KALRN: variants seen among roughly 807,000 people sequenced by gnomAD.
KALRN encodes kalirin.
In KALRN, 70 loss-of-function variants were observed where a neutral mutation model predicts 353.7. The observed-to-expected ratio is 0.20, with a 90% CI of 0.16 to 0.24. The LOEUF is 0.24. Among genes scored for constraint, KALRN ranks in the 10% least tolerant of loss-of-function variants. The pLI, the probability that KALRN is intolerant of heterozygous loss-of-function variation, is 1.00. For missense variants in KALRN, 2,791 were observed against 3,756.7 expected (o/e 0.74, Z 6.72); for synonymous variants, 1,391 against 1,434.8 (o/e 0.97, Z 0.69).
At chr3:124,490,652 G>A (rs772911395) in intron 29 of KALRN, 42 bp from the exon 30 acceptor site, 18 of 1,581,278 alleles carry the variant, frequency 1.1e-5, no homozygotes, top group Non-Finnish European at 1.3e-5. Flanking sequence ...CCTGACTGTG[G>A]CAGTAGAGAA....
At chr3:124,269,364 G>A in intron 5 of KALRN, 109 bp downstream of exon 5, 4 of 1,200,540 alleles carry the variant, frequency 3.3e-6, no homozygotes, top group Non-Finnish European at 4.6e-6. Flanking sequence ...CTTTAAAACA[G>A]TGTGCCTACT....
At chr3:124,565,611 C>T (rs16835592) in intron 34 of KALRN, among the ~76,000 whole-genome samples, 8,595 of 152,254 alleles carry the variant, frequency 0.056, 816 homozygotes, top group African/African-American at 0.19. Context: ...ATTCATTTGC[C>T]GCAAAAGGCT....
At chr3:124,414,968 A>G (rs2092416104) in intron 14 of KALRN, among the ~76,000 whole-genome samples, 1 of 152,238 alleles carries the variant, frequency 6.6e-6, no homozygotes. Context: ...GAAAGAGTAA[A>G]GACCAGCATT....
intron 3 of KALRN, among the ~76,000 whole-genome samples, chr3:124,256,671 A>C (rs2072041056): frequency 6.6e-6 from 1 of 152,126 alleles, no homozygotes; most frequent in Non-Finnish European, 1.5e-5. Context: ...GAAGCCCTCT[A>C]CACCTGGATC....
At chr3:124,646,563 G>A (rs930622874) in intron 37 of KALRN, among the ~76,000 whole-genome samples, 2 of 151,476 alleles carry the variant, frequency 1.3e-5, no homozygotes, top group Non-Finnish European at 2.9e-5. Context: ...ACTAGTTTTT[G>A]TATTTTTAGT....
At position 124,632,557 on chromosome 3, in the gene KALRN, A is replaced by T. The variant is rs779890939; in HGVS notation, c.5320A>T (p.Thr1774Ser). The change falls in exon 35 of 60, where the codon ACG (threonine) becomes TCG (serine). Residue 1774 changes from threonine to serine, a missense_variant. Thr to Ser is a moderately conservative substitution (Grantham distance 58, BLOSUM62 1). This residue lies in a region of KALRN where 1,065 missense variants were observed against 1,156.4 expected (regional missense o/e 0.92). Transcript: ENST00000682506. ...CACCAACACTCTTAAGAAGTGGCTG[A>T]CGAGTCCTGTGCGTCGGCTTAACAG... is the stretch of plus-strand genomic sequence containing the variant. The part of the protein sequence containing the change: ...RSTNTLKKWL[T>S]SPVRRLNSGK... 20 of 1,614,116 alleles carry T rather than the reference A, an allele frequency of 1.2e-5. No individual in the cohort carries two copies. The Admixed American group carries it at 3.3e-4, about 27-fold the overall frequency.
At chr3:124,044,844 TC>T (rs1455563783) in intron 1 of KALRN, among the ~76,000 whole-genome samples, 4 of 22,958 alleles carry the variant, frequency 1.7e-4, no homozygotes, top group Non-Finnish European at 7.3e-4. Flanking sequence ...CCTCCCTCCC[TC>T]CCTCCCTCCC....
intron 1 of KALRN, among the ~76,000 whole-genome samples, chr3:124,214,400 A>T (rs1010208069): frequency 2.0e-5 from 3 of 152,186 alleles, no homozygotes; most frequent in African/African-American, 7.2e-5. Flanking sequence ...GCTATCATAA[A>T]TCTCTTTACT....
chr3:124,279,351 C>G (rs770228898), intron 5 of KALRN, among the ~76,000 whole-genome samples: 1 of 152,128 alleles, frequency 6.6e-6, no homozygotes, highest in Non-Finnish European at 1.5e-5. Context: ...ATGGCTGGAG[C>G]CTTGAAGACA....
intron 10 of KALRN, among the ~76,000 whole-genome samples, chr3:124,383,642 G>T (rs2087752950): frequency 6.6e-6 from 1 of 152,080 alleles, no homozygotes; most frequent in South Asian, 2.1e-4. Flanking sequence ...ACTATAGTAT[G>T]ATTTAAACTT....
intron 48 of KALRN, among the ~76,000 whole-genome samples, chr3:124,673,621 T>A (rs2086782146): frequency 6.6e-6 from 1 of 152,056 alleles, no homozygotes; most frequent in African/African-American, 2.4e-5. Context: ...TGTATGTATA[T>A]GCATATAGAA....
intron 1 of KALRN, among the ~76,000 whole-genome samples, chr3:124,101,847 C>G (rs1468240616): frequency 6.6e-6 from 1 of 152,092 alleles, no homozygotes; most frequent in Non-Finnish European, 1.5e-5. Flanking sequence ...TGTAACTGGT[C>G]CCTAGCCTGC....
At chr3:124,700,212 G>A (rs2062255223) in intron 56 of KALRN, among the ~76,000 whole-genome samples, 179 bp downstream of exon 56, 1 of 152,208 alleles carries the variant, frequency 6.6e-6, no homozygotes, top group Admixed American at 6.5e-5. Flanking sequence ...TGTTAGGTCT[G>A]CACCCATGCC....
chr3:124,095,242 GA>G (rs1288397811), intron 1 of KALRN, among the ~76,000 whole-genome samples: 1 of 152,144 alleles, frequency 6.6e-6, no homozygotes, highest in Non-Finnish European at 1.5e-5. Context: ...AACTCTCTGA[GA>G]AGCAGTGCAG....
intron 1 of KALRN, among the ~76,000 whole-genome samples, chr3:124,200,566 G>A (rs981126094): frequency 4.6e-5 from 7 of 152,102 alleles, no homozygotes; most frequent in Admixed American, 6.5e-5. Flanking sequence ...CCATCACGTC[G>A]TACTTAGAAT....
chr3:124,217,541 A>G (rs1374097026), intron 1 of KALRN, among the ~76,000 whole-genome samples: 1 of 152,170 alleles, frequency 6.6e-6, no homozygotes, highest in East Asian at 1.9e-4. Context: ...CAATACCAAA[A>G]AAACCTCTCT....
At chr3:124,407,817 C>G (rs1353111336) in intron 13 of KALRN, 1 of 152,256 alleles carries the variant, frequency 6.6e-6, no homozygotes, top group Non-Finnish European at 1.5e-5. Flanking sequence ...CGGAATCTCG[C>G]TCTGTTGCCC....
In KALRN at chr3:124,136,959, C is replaced by T. The variant is rs79214359; in HGVS notation, c.74-91031C>T. ...TGGGGAGCGAGGCCCTGAGCAGACC[C>T]GGATGATTAGGGAACAGGGTTGATG... On this transcript the variant is annotated intron_variant, in intron 1 of 59. Coordinates refer to ENST00000682506, the MANE Select transcript of KALRN (RefSeq NM_001388419.1). Among the ~76,000 whole-genome samples, 394 of 152,180 alleles carry T rather than the reference C, an allele frequency of 2.6e-3. 1 individual carries two copies. The highest frequency in any genetic ancestry group is 8.8e-3 in the African/African-American group (364 of 41,520).
intron 33 of KALRN, chr3:124,518,759 T>A (rs902978443): frequency 1.9e-4 from 258 of 1,341,716 alleles, no homozygotes; most frequent in South Asian, 8.2e-4. Flanking sequence ...TGGCCCAATG[T>A]ACTTCCCCCA....
Sources: gnomAD v4.1 joint callset for allele counts (sites outside exome capture counted in the v4.1 genomes callset) on GRCh38, gnomAD v4.1.1 for gene constraint, gnomAD v4.1.1 regional missense constraint, MANE v1.5 for transcripts, NCBI Gene and HGNC (gene_info 2026-07-23, HGNC 2026-07-21) for gene names.